ENTREP2: variants seen among roughly 807,000 people sequenced by gnomAD.
ENTREP2 encodes endosomal transmembrane epsin interactor 2, also known as protein ENTREP2.
At chr15:29,619,972 T>C in the ENTREP2 span, among the ~76,000 whole-genome samples, 1 of 152,136 alleles carries the variant, frequency 6.6e-6, no homozygotes, top group Non-Finnish European at 1.5e-5. Flanking sequence ...CTTTCCCGCA[T>C]CTCAGTCCCA....
chr15:29,168,150 A>G, the ENTREP2 span, among the ~76,000 whole-genome samples: 1 of 152,310 alleles, frequency 6.6e-6, no homozygotes, highest in Non-Finnish European at 1.5e-5. Context: ...AGAATGATAC[A>G]AAAGCATAAG....
the ENTREP2 span, among the ~76,000 whole-genome samples, chr15:29,277,879 A>T: frequency 6.6e-6 from 1 of 152,238 alleles, no homozygotes; most frequent in East Asian, 1.9e-4. Flanking sequence ...CCACAAAGAG[A>T]GCTGACAAAG....
At chr15:29,312,577 T>C in the ENTREP2 span, among the ~76,000 whole-genome samples, 10 of 152,182 alleles carry the variant, frequency 6.6e-5, no homozygotes, top group African/African-American at 2.2e-4. Context: ...TTTTTCATTA[T>C]TACTATATCT....
chr15:29,326,307 T>C, the ENTREP2 span, among the ~76,000 whole-genome samples: 6 of 152,182 alleles, frequency 3.9e-5, no homozygotes, highest in Admixed American at 1.3e-4. Flanking sequence ...ATAAATGATA[T>C]GATTGTTCAT....
the ENTREP2 span, among the ~76,000 whole-genome samples, chr15:29,501,537 T>C: frequency 6.6e-6 from 1 of 151,982 alleles, no homozygotes; most frequent in South Asian, 2.1e-4. Flanking sequence ...AGGGCATCCA[T>C]GAAAAACCAA....
the ENTREP2 span, among the ~76,000 whole-genome samples, chr15:29,243,400 G>A: frequency 6.0e-4 from 91 of 152,222 alleles, 1 homozygote; most frequent in Non-Finnish European, 1.0e-3. Context: ...CAATCTGAGC[G>A]ATGATTAGGT....
chr15:29,509,306 C>A, the ENTREP2 span, among the ~76,000 whole-genome samples: 1 of 152,110 alleles, frequency 6.6e-6, no homozygotes, highest in African/African-American at 2.4e-5. Context: ...GAATCAATAT[C>A]ATGAAAATGG....
the ENTREP2 span, among the ~76,000 whole-genome samples, chr15:29,655,649 A>G: frequency 6.6e-6 from 1 of 152,228 alleles, no homozygotes; most frequent in African/African-American, 2.4e-5. Context: ...TTCACAACAT[A>G]CATGAGCCAA....
the ENTREP2 span, among the ~76,000 whole-genome samples, chr15:29,524,005 GA>G: frequency 6.6e-6 from 1 of 151,914 alleles, no homozygotes; most frequent in Non-Finnish European, 1.5e-5. Context: ...GATACCAGAA[GA>G]ACAAGCAAAC....
chr15:29,129,965 A>G, the ENTREP2 span, among the ~76,000 whole-genome samples: 1 of 152,152 alleles, frequency 6.6e-6, no homozygotes, highest in African/African-American at 2.4e-5. Flanking sequence ...TGGGAAGGTG[A>G]GGGGGGCTCC....
chr15:29,236,488 TA>T, the ENTREP2 span, among the ~76,000 whole-genome samples: 64 of 142,112 alleles, frequency 4.5e-4, no homozygotes, highest in South Asian at 1.1e-3. Flanking sequence ...CTATAAAACA[TA>T]AAAAAAAAAA....
the ENTREP2 span, among the ~76,000 whole-genome samples, chr15:29,606,547 T>C: frequency 6.6e-6 from 1 of 152,078 alleles, no homozygotes; most frequent in Non-Finnish European, 1.5e-5. Flanking sequence ...GGGTCAGTTT[T>C]TCTGGGTATA....
chr15:29,405,734 G>A, the ENTREP2 span, among the ~76,000 whole-genome samples: 26 of 152,358 alleles, frequency 1.7e-4, no homozygotes, highest in African/African-American at 5.3e-4. Flanking sequence ...AGTGCCCACC[G>A]GAGCAAGGGC....
the ENTREP2 span, among the ~76,000 whole-genome samples, chr15:29,225,464 G>A: frequency 3.9e-5 from 6 of 152,200 alleles, no homozygotes; most frequent in Non-Finnish European, 8.8e-5. Context: ...CATTTTGGTG[G>A]GGAACTGTGG....
chr15:29,606,233 T>C, the ENTREP2 span, among the ~76,000 whole-genome samples: 1 of 148,212 alleles, frequency 6.7e-6, no homozygotes, highest in Admixed American at 6.8e-5. Context: ...TCTTTTCTTT[T>C]CCTTCTTTTT....
chr15:29,384,211 C>A, the ENTREP2 span, among the ~76,000 whole-genome samples: 1 of 152,186 alleles, frequency 6.6e-6, no homozygotes, highest in Admixed American at 6.5e-5. Context: ...TCATGTTTGA[C>A]ATTTCAGACC....
At chr15:29,656,207 C>G in the ENTREP2 span, among the ~76,000 whole-genome samples, 23 of 150,936 alleles carry the variant, frequency 1.5e-4, no homozygotes, top group African/African-American at 5.1e-4. Flanking sequence ...TCTGTGCTAT[C>G]AATATAAGAA....
chr15:29,303,469 AT>A, the ENTREP2 span, among the ~76,000 whole-genome samples: 8 of 147,242 alleles, frequency 5.4e-5, no homozygotes, highest in Non-Finnish European at 9.0e-5. Context: ...TCAGCCTTTT[AT>A]TTTTTTTTTA....
the ENTREP2 span, among the ~76,000 whole-genome samples, chr15:29,574,943 A>G: frequency 6.6e-6 from 1 of 152,202 alleles, no homozygotes; most frequent in African/African-American, 2.4e-5. Flanking sequence ...TTTTTTAAGT[A>G]TCTCCTTAAA....
Sources: allele counts gnomAD v4.1 joint callset (sites outside exome capture counted in the v4.1 genomes callset), GRCh38; gene constraint gnomAD v4.1.1; transcripts MANE v1.5; gene names NCBI Gene and HGNC (gene_info 2026-07-23, HGNC 2026-07-21).